CHI3L1: variants seen among roughly 807,000 people sequenced by gnomAD.
The protein encoded by CHI3L1 is chitinase-3-like protein 1.
CHI3L1 carries 30 observed loss-of-function variants against 40.7 expected under a neutral mutation model. The observed-to-expected ratio is 0.74, with a 90% CI of 0.55 to 1.00. The LOEUF is 1.00. Among genes scored for constraint, CHI3L1 ranks in the 50% least tolerant of loss-of-function variants. CHI3L1 has a pLI of 0.00. For missense variants in CHI3L1, 493 were observed against 492.2 expected (o/e 1.00, Z -0.01); for synonymous variants, 210 against 192.1 (o/e 1.09, Z -0.77).
chr1:203,182,911 A>G (rs934515098), intron 5 of CHI3L1, 59 bp from the exon 6 acceptor site: 7 of 1,584,266 alleles, frequency 4.4e-6, no homozygotes, highest in Admixed American at 1.7e-5. Flanking sequence ...AGGTAGACTC[A>G]TCGAGGGCGG....
intron 5 of CHI3L1, 128 bp from the exon 6 acceptor site, chr1:203,182,980 A>G: frequency 1.1e-6 from 1 of 913,572 alleles, no homozygotes; most frequent in Non-Finnish European, 1.7e-6. Flanking sequence ...GCCTAGTGGA[A>G]GTGATAAAGT....
At chr1:203,182,105 G>A (rs1571827827) in intron 6 of CHI3L1, 1 of 152,682 alleles carries the variant, frequency 6.5e-6, no homozygotes, top group East Asian at 1.9e-4. Flanking sequence ...ATTTAATTAA[G>A]CACTGAGTTT....
In CHI3L1 at chr1:203,186,611, C is replaced by T. The variant is rs201120110; in HGVS notation, c.13G>A (p.Ala5Thr). ...CTAGCCCAGATACCTGTTTGAGACG[C>T]CTTCACACCCATTCTGGCTGCAGCA... MGVK[A>T]SQTGFVVLVL... The change falls in exon 1 of 10, where the codon GCG becomes ACG. Residue 5 changes from alanine (A) to threonine (T), a missense_variant. Ala to Thr is a moderately conservative substitution (Grantham distance 58, BLOSUM62 0). Coordinates refer to ENST00000255409, the MANE Select transcript of CHI3L1 (RefSeq NM_001276.4). 54 of 1,614,018 alleles carry T rather than the reference C, an allele frequency of 3.3e-5. No homozygotes were observed. The highest frequency in any genetic ancestry group is 1.3e-4 in the South Asian group (12 of 91,074).
intron 6 of CHI3L1, 121 bp downstream of exon 6, chr1:203,182,610 G>C: frequency 8.7e-7 from 1 of 1,145,494 alleles, no homozygotes; most frequent in Non-Finnish European, 1.3e-6. Context: ...CAAGGCTTTG[G>C]AAGAACTGGG....
rs763367362 is a variant in CHI3L1 at position 203,180,477 on chromosome 1, TAG to T, written c.885_886del (p.Tyr296LeufsTer2). The T allele has an allele frequency of 6.3e-6, 10 of 1,581,042 alleles. No homozygotes were observed. The East Asian group carries it at 2.4e-4, about 37-fold the overall frequency. On this transcript the variant is annotated frameshift_variant, in exon 8 of 10. Coordinates refer to ENST00000255409, the MANE Select transcript of CHI3L1 (RefSeq NM_001276.4). LOFTEE classifies it high-confidence loss of function. ...TCTCCCCAACTCCATTACCTCATAG[TAG>T]GCAAGGGTCCCTGCCTCCTTGGTGA...
intron 7 of CHI3L1, 84 bp downstream of exon 7, chr1:203,181,078 G>C: frequency 6.4e-7 from 1 of 1,553,360 alleles, no homozygotes; most frequent in Non-Finnish European, 8.8e-7. Flanking sequence ...ACTGTACTGA[G>C]GGCTAGAGAG....
At chr1:203,182,704 G>T (rs1289784024) in intron 6 of CHI3L1, 27 bp downstream of exon 6, 16 of 1,613,396 alleles carry the variant, frequency 9.9e-6, no homozygotes, top group Non-Finnish European at 1.4e-5. Flanking sequence ...GAGGTTCTGG[G>T]GAGGCTGCCT....
At chr1:203,186,447 C>CCCTG in intron 1 of CHI3L1, 102 bp from the exon 2 acceptor site, 1 of 1,487,188 alleles carries the variant, frequency 6.7e-7, no homozygotes, top group South Asian at 1.2e-5. Flanking sequence ...CCCCCACCTC[C>CCCTG]TGGTTGCAGC....
At chr1:203,179,967 G>C in intron 8 of CHI3L1, 90 bp from the exon 9 acceptor site, 1 of 1,179,510 alleles carries the variant, frequency 8.5e-7, no homozygotes. Flanking sequence ...ATCTCTTTTA[G>C]CTCCTGCTCC....
chr1:203,181,189 A>G lies in CHI3L1; in HGVS notation c.684T>C (p.Asp228=). Residue 228 remains aspartate, a synonymous_variant, in exon 7 of 10, where the codon GAT becomes GAC. Coordinates refer to ENST00000255409, the MANE Select transcript of CHI3L1 (RefSeq NM_001276.4). ...HHSPLFRGQE[D]ASPDRFSNTD... The stretch of plus-strand genomic sequence containing the variant: ...TGTTGCTGAATCTGTCAGGACTTGC[A>G]TCCTCCTGACCTCGGAACAGGGGAC... 3 of 1,614,128 alleles carry G rather than the reference A, an allele frequency of 1.9e-6. No individual in the cohort carries two copies. Among genetic ancestry groups the G allele is most frequent in the Non-Finnish European group, 2.5e-6 (3 of 1,180,004 alleles).
At chr1:203,185,585 A>G (rs1333072501) in intron 2 of CHI3L1, among the ~76,000 whole-genome samples, 200 bp from the exon 3 acceptor site, 1 of 152,214 alleles carries the variant, frequency 6.6e-6, no homozygotes, top group Non-Finnish European at 1.5e-5. Context: ...TGGTGAAAAT[A>G]AGGCCTATTC....
rs1414003231 is a variant in CHI3L1 at position 203,182,784 on chromosome 1, C to T, written c.534G>A (p.Leu178=). 6.2e-7 allele frequency: 1 copy of T among 1,614,070 alleles called. No homozygotes were observed. The highest frequency in any genetic ancestry group is 1.3e-5 in the African/African-American group (1 of 74,940). The part of the protein sequence containing the change: ...GKKQLLLSAA[L]SAGKVTIDSS... The stretch of plus-strand genomic sequence containing the variant: ...TGTCAATGGTGACCTTCCCCGCAGA[C>T]AGTGCTGCGCTGAGCAGGAGCTGCT... The change falls in exon 6 of 10, where the codon CTG becomes CTA. Residue 178 remains leucine (L), a synonymous_variant. Transcript: ENST00000255409.
intron 3 of CHI3L1, 58 bp from the exon 4 acceptor site, chr1:203,184,690 GGT>G: frequency 6.7e-7 from 1 of 1,485,538 alleles, no homozygotes; most frequent in Non-Finnish European, 9.4e-7. Context: ...CATGACACTG[GGT>G]GGCCCCATGT....
chr1:203,185,961 C>T (rs1476530810), intron 2 of CHI3L1, among the ~76,000 whole-genome samples: 1 of 152,144 alleles, frequency 6.6e-6, no homozygotes, highest in Non-Finnish European at 1.5e-5. Context: ...ACCAGGAAAT[C>T]CTTCCTCGCC....
intron 8 of CHI3L1, chr1:203,180,171 G>A: frequency 1.8e-6 from 1 of 560,638 alleles, no homozygotes; most frequent in Non-Finnish European, 3.2e-6. Context: ...AGAGGCTAGA[G>A]TGAAACAAAA....
rs140662848 is a variant in CHI3L1, at chr1:203,180,398, G to C, written c.894+72C>G. On this transcript the variant is annotated intron_variant, in intron 8 of 9. Transcript: ENST00000255409. ...TTCCCAAAGGAGAAAAAGCAAGAAC[G>C]TGGTGGGGAATCACCTTCCCCAGGG... 4 of 1,351,208 alleles carry C rather than the reference G, an allele frequency of 3.0e-6. No individual in the cohort carries two copies. The African/African-American group carries it at 4.5e-5, about 15-fold the overall frequency. 83.7% of individuals were successfully genotyped at this position (1,351,208 alleles called of 1,614,324 possible). A position where few individuals can be genotyped will look rare whatever the true frequency, so the allele number is the denominator to read the frequency against.
At position 203,182,914 on chromosome 1, in the gene CHI3L1, G is replaced by C. The variant is rs140231107; in HGVS notation, c.466-62C>G. The C allele has an allele frequency of 1.9e-3, 2,918 of 1,572,980 alleles. 13 individuals carry two copies. Among genetic ancestry groups the C allele is most frequent in the African/African-American group, 7.8e-3 (581 of 74,130 alleles). Reference sequence around the variant, plus strand: ...AAGTGGCATGAGAGGTAGACTCATCGAGGGCGGACTAGGTCTCTGCGCAAC... The same window carrying C: ...AAGTGGCATGAGAGGTAGACTCATCCAGGGCGGACTAGGTCTCTGCGCAAC... On this transcript the variant is annotated intron_variant, in intron 5 of 9. Coordinates refer to ENST00000255409, the MANE Select transcript of CHI3L1 (RefSeq NM_001276.4).
At chr1:203,184,681 A>G (rs1250628817) in intron 3 of CHI3L1, 49 bp from the exon 4 acceptor site, 1 of 1,529,998 alleles carries the variant, frequency 6.5e-7, no homozygotes, top group Non-Finnish European at 9.1e-7. Context: ...TGACATTGTC[A>G]TGACACTGGG....
chr1:203,186,547 T>C, intron 1 of CHI3L1, 52 bp downstream of exon 1: 1 of 1,612,220 alleles, frequency 6.2e-7, no homozygotes, highest in Non-Finnish European at 8.5e-7. Flanking sequence ...GCGGGCTGTC[T>C]GGGCCTGAAA....
Sources: allele counts gnomAD v4.1 joint callset (sites outside exome capture counted in the v4.1 genomes callset), GRCh38; gene constraint gnomAD v4.1.1; transcripts MANE v1.5; gene names NCBI Gene and HGNC (gene_info 2026-07-23, HGNC 2026-07-21).